Variants in ENOX1 observed in about 807,000 individuals in gnomAD.
The protein encoded by ENOX1 is ecto-NOX disulfide-thiol exchanger 1.
ENOX1 carries 42 observed loss-of-function variants against 82.5 expected under a neutral mutation model. The observed-to-expected ratio is 0.51, with a 90% confidence interval of 0.40 to 0.66. The LOEUF is 0.66. Ranked by LOEUF, ENOX1 falls within the 30% of genes least tolerant of loss-of-function variation. ENOX1 has a pLI of 0.00. For synonymous variants in ENOX1, 271 were observed against 282.2 expected, an observed-to-expected ratio of 0.96 and a Z score of 0.40; for missense variants, 608 against 811.6, an observed-to-expected ratio of 0.75 and a Z score of 3.05.
intron 3 of ENOX1, among the ~76,000 whole-genome samples, chr13:43,414,625 C>T (rs1594437719): frequency 6.6e-6 from 1 of 152,190 alleles, no homozygotes; most frequent in African/African-American, 2.4e-5. Context: ...CACTTCCAAC[C>T]ATTTCAGAGT....
At chr13:43,734,472 C>T (rs1158610036) in intron 1 of ENOX1, among the ~76,000 whole-genome samples, 1 of 152,210 alleles carries the variant, frequency 6.6e-6, no homozygotes, top group African/African-American at 2.4e-5. Flanking sequence ...TACTCCAATT[C>T]ACTACTTTTC....
At chr13:43,655,209 A>C (rs2084374411) in intron 2 of ENOX1, among the ~76,000 whole-genome samples, 1 of 152,164 alleles carries the variant, frequency 6.6e-6, no homozygotes, top group Non-Finnish European at 1.5e-5. Context: ...GCACATCCAA[A>C]AGAGAAATGA....
intron 7 of ENOX1, among the ~76,000 whole-genome samples, chr13:43,356,620 T>C (rs2050176010): frequency 6.6e-6 from 1 of 152,100 alleles, no homozygotes; most frequent in African/African-American, 2.4e-5. Flanking sequence ...TCTATGATAT[T>C]TAAAAAGATC....
intron 1 of ENOX1, among the ~76,000 whole-genome samples, chr13:43,729,572 T>C (rs908217946): frequency 6.6e-6 from 1 of 152,180 alleles, no homozygotes; most frequent in African/African-American, 2.4e-5. Flanking sequence ...TCTTGAAAAA[T>C]AAATTGGCAC....
chr13:43,650,019 TC>T lies in ENOX1; in HGVS notation c.-219+17459del, dbSNP rs2084084085. 3.9e-5 allele frequency among the ~76,000 whole-genome samples: 6 copies of T among 152,194 alleles called. No individual in the cohort carries two copies. The South Asian group carries it at 1.0e-3, about 26-fold the overall frequency. ...TCCACATGCCTTCATCACTCTGCCA[TC>T]CACCAGTCACCATCAACACCTCTGA... On this transcript the variant is annotated intron_variant, in intron 2 of 16. Transcript: ENST00000690772.
chr13:43,310,197 C>CAAAA lies in ENOX1; in HGVS notation c.1262-11671_1262-11668dup, dbSNP rs10555409. Among the ~76,000 whole-genome samples the CAAAA allele has an allele frequency of 9.7e-5, 8 of 82,606 alleles. 4 individuals carry two copies. The highest frequency in any genetic ancestry group is 9.3e-5 in the African/African-American group (2 of 21,470). The allele number at this position is 82,606 out of a possible 152,430, so 54.2% of individuals were successfully genotyped here. ...CTGGTGACAGAGCGAGATTCCATCT[C>CAAAA]AAAAAAAAAAAAAAAAAAAAAAAAA... is the stretch of plus-strand genomic sequence containing the variant. On this transcript the variant is annotated intron_variant, in intron 11 of 16. Transcript: ENST00000690772.
chr13:43,250,987 T>C (rs898776429), intron 14 of ENOX1, among the ~76,000 whole-genome samples: 1 of 152,180 alleles, frequency 6.6e-6, no homozygotes, highest in South Asian at 2.1e-4. Flanking sequence ...GGGAGCTTAC[T>C]AGAAATGCAA....
At chr13:43,402,990 T>C (rs2053582519) in intron 5 of ENOX1, among the ~76,000 whole-genome samples, 1 of 152,038 alleles carries the variant, frequency 6.6e-6, no homozygotes, top group Non-Finnish European at 1.5e-5. Flanking sequence ...ATCAAGAAAA[T>C]TAGGGAATGT....
At chr13:43,455,429 C>T (rs1045137520) in intron 3 of ENOX1, among the ~76,000 whole-genome samples, 2 of 152,078 alleles carry the variant, frequency 1.3e-5, no homozygotes, top group Non-Finnish European at 2.9e-5. Flanking sequence ...TCTTTTCTTA[C>T]CCATCATTTT....
intron 1 of ENOX1, among the ~76,000 whole-genome samples, chr13:43,707,651 T>C (rs1306466361): frequency 5.7e-5 from 8 of 139,556 alleles, no homozygotes; most frequent in Non-Finnish European, 1.1e-4. Context: ...GAGAATGGCG[T>C]GAACCCGGGA....
intron 1 of ENOX1, among the ~76,000 whole-genome samples, chr13:43,691,238 G>A (rs889892378): frequency 2.6e-5 from 4 of 151,886 alleles, no homozygotes; most frequent in Non-Finnish European, 2.9e-5. Flanking sequence ...TCATAAGTAA[G>A]TACCAAAACA....
chr13:43,253,602 T>C (rs2043582323), intron 14 of ENOX1, among the ~76,000 whole-genome samples: 1 of 152,164 alleles, frequency 6.6e-6, no homozygotes, highest in South Asian at 2.1e-4. Flanking sequence ...AATGAAGTGG[T>C]GCGAAAATCA....
intron 2 of ENOX1, among the ~76,000 whole-genome samples, chr13:43,494,103 G>T (rs1282898692): frequency 1.3e-5 from 2 of 152,044 alleles, no homozygotes; most frequent in Non-Finnish European, 2.9e-5. Context: ...CCTCCATCTG[G>T]TCTCTCCCTT....
At chr13:43,662,046 T>C (rs1040229023) in intron 2 of ENOX1, among the ~76,000 whole-genome samples, 2 of 152,192 alleles carry the variant, frequency 1.3e-5, no homozygotes, top group African/African-American at 2.4e-5. Flanking sequence ...CTTCTCTTTC[T>C]GTGCACATAG....
intron 11 of ENOX1, among the ~76,000 whole-genome samples, chr13:43,313,118 G>A (rs2047300717): frequency 6.6e-6 from 1 of 152,104 alleles, no homozygotes; most frequent in Admixed American, 6.5e-5. Flanking sequence ...ACCTGAAAAG[G>A]AGAAAGCTAG....
chr13:43,718,114 G>C (rs866156565), intron 1 of ENOX1, among the ~76,000 whole-genome samples: 63 of 152,322 alleles, frequency 4.1e-4, no homozygotes, highest in Non-Finnish European at 7.8e-4. Flanking sequence ...CACAATAGCA[G>C]AGATGTGGAC....
At chr13:43,412,784 C>A (rs1257693711) in intron 4 of ENOX1, 61 bp downstream of exon 4, 1 of 1,601,080 alleles carries the variant, frequency 6.2e-7, no homozygotes, top group Non-Finnish European at 8.5e-7. Context: ...GTGGGGCAAG[C>A]TTTTCCACTA....
chr13:43,364,499 C>A (rs1239733089), intron 5 of ENOX1, among the ~76,000 whole-genome samples: 1 of 152,092 alleles, frequency 6.6e-6, no homozygotes, highest in Non-Finnish European at 1.5e-5. Flanking sequence ...ACAGCCAAGG[C>A]TCGGCAAAGG....
At chr13:43,618,977 A>ATTTTTTTT (rs56048836) in intron 2 of ENOX1, among the ~76,000 whole-genome samples, 1 of 116,964 alleles carries the variant, frequency 8.5e-6, no homozygotes, top group African/African-American at 3.2e-5. Flanking sequence ...ATAGTCCTAA[A>ATTTTTTTT]TTTTTTTTTT....
Sources: allele counts gnomAD v4.1 joint callset (sites outside exome capture counted in the v4.1 genomes callset), GRCh38; gene constraint gnomAD v4.1.1; transcripts MANE v1.5; gene names NCBI Gene and HGNC (gene_info 2026-07-23, HGNC 2026-07-21).